The following B4GALT6 variants were observed in gnomAD, a reference collection of about 807,000 sequenced individuals.
The protein encoded by B4GALT6 is UDP-Gal:beta-GlcNAc beta-1,4-galactosyltransferase 6.
B4GALT6 carries 14 observed loss-of-function variants against 46.3 expected under a neutral mutation model. The observed-to-expected ratio is 0.30, with a 90% CI of 0.20 to 0.47. The LOEUF (loss-of-function observed/expected upper bound fraction) is 0.47. Among genes scored for constraint, B4GALT6 ranks in the 20% least tolerant of loss-of-function variants. B4GALT6 has a pLI of 0.99. For missense variants in B4GALT6, 386 were observed against 480.1 expected, an observed-to-expected ratio of 0.80 and a Z score of 1.83; for synonymous variants, 168 against 162.0, an observed-to-expected ratio of 1.04 and a Z score of -0.28.
chr18:31,709,833 C>G, the B4GALT6 span, among the ~76,000 whole-genome samples: 1 of 151,978 alleles, frequency 6.6e-6, no homozygotes, highest in African/African-American at 2.4e-5. Context: ...TGGCTCACGC[C>G]TGGAATCCCA....
chr18:31,716,269 T>G, the B4GALT6 span, among the ~76,000 whole-genome samples: 1 of 152,180 alleles, frequency 6.6e-6, no homozygotes, highest in African/African-American at 2.4e-5. Flanking sequence ...GGATCCAGAA[T>G]TCAAAAAGTC....
chr18:31,664,722 C>G (rs1343394933), intron 2 of B4GALT6, among the ~76,000 whole-genome samples: 1 of 152,142 alleles, frequency 6.6e-6, no homozygotes, highest in African/African-American at 2.4e-5. Context: ...TTCAGTTGAA[C>G]AAACTTTCAG....
At chr18:31,660,304 T>G (rs748915587) in intron 2 of B4GALT6, among the ~76,000 whole-genome samples, 45 of 152,096 alleles carry the variant, frequency 3.0e-4, no homozygotes, top group Non-Finnish European at 5.1e-4. Flanking sequence ...TTTTTTCTTT[T>G]TGTTTTTGTT....
chr18:31,685,337 C>T (rs1307951656), upstream of B4GALT6, among the ~76,000 whole-genome samples: 2 of 151,538 alleles, frequency 1.3e-5, no homozygotes, highest in African/African-American at 2.4e-5. Flanking sequence ...GAGCAGAGGC[C>T]GAGCGCCGTC....
the B4GALT6 span, among the ~76,000 whole-genome samples, chr18:31,698,630 CAAAAGAAAAAAAA>C: frequency 7.3e-6 from 1 of 137,766 alleles, no homozygotes; most frequent in Admixed American, 7.3e-5. Flanking sequence ...GACTCTATCT[CAAAAGAAAAAAAA>C]AAAAGGAAAA....
At chr18:31,660,444 TG>T (rs1470964889) in intron 2 of B4GALT6, among the ~76,000 whole-genome samples, 2 of 152,170 alleles carry the variant, frequency 1.3e-5, no homozygotes, top group Non-Finnish European at 2.9e-5. Flanking sequence ...TTATGAGTTT[TG>T]TGACAGTGTC....
At chr18:31,668,693 A>G (rs1411066328) in intron 1 of B4GALT6, among the ~76,000 whole-genome samples, 1 of 152,084 alleles carries the variant, frequency 6.6e-6, no homozygotes, top group Non-Finnish European at 1.5e-5. Context: ...GACTTCTCAT[A>G]AAAAGTCATC....
In B4GALT6 at chr18:31,629,447, A is replaced by ATTTTTTTTTTTTTTTTTTT. The variant is rs869030382; in HGVS notation, c.776+1493_776+1511dup. ...ATTCTTAGTTTATATGCCCTTTATG[A>ATTTTTTTTTTTTTTTTTTT]TTTTTTTTTTTTTTTTTTTTTTTTT... On this transcript the variant is annotated intron_variant, in intron 6 of 8. Transcript: ENST00000306851. 6.1e-4 allele frequency among the ~76,000 whole-genome samples: 20 copies of ATTTTTTTTTTTTTTTTTTT among 32,884 alleles called. 5 individuals carry two copies. The highest frequency in any genetic ancestry group is 1.7e-3 in the East Asian group (1 of 594). 21.6% of individuals were successfully genotyped at this position (32,884 alleles called of 152,430 possible).
At chr18:31,694,640 T>G in the B4GALT6 span, among the ~76,000 whole-genome samples, 1 of 152,248 alleles carries the variant, frequency 6.6e-6, no homozygotes, top group Non-Finnish European at 1.5e-5. Flanking sequence ...TTGCAGCAAC[T>G]GGCCATTATT....
chr18:31,653,681 A>C (rs2074104288), intron 3 of B4GALT6, among the ~76,000 whole-genome samples: 1 of 151,838 alleles, frequency 6.6e-6, no homozygotes, highest in Non-Finnish European at 1.5e-5. Flanking sequence ...TCCTGACCTC[A>C]AGTAACCCAC....
At position 31,638,634 on chromosome 18, in the gene B4GALT6, G is replaced by A; in HGVS notation, c.588+10C>T. ...GTATACTTAGTGACCACTATGAAAA[G>A]TATTCTCACCTGTTCAATGACATAA... is the stretch of plus-strand genomic sequence containing the variant. On this transcript the variant is annotated intron_variant, in intron 5 of 8. Transcript: ENST00000306851. 6.3e-7 allele frequency: 1 copy of A among 1,585,130 alleles called. No individual in the cohort carries two copies. The highest frequency in any genetic ancestry group is 8.7e-7 in the Non-Finnish European group (1 of 1,153,860).
intron 4 of B4GALT6, among the ~76,000 whole-genome samples, chr18:31,640,875 G>A (rs1297648706): frequency 2.0e-5 from 3 of 152,228 alleles, no homozygotes; most frequent in Admixed American, 6.5e-5. Context: ...TAGCTCAGGG[G>A]TTTACTTTTA....
At chr18:31,699,256 A>G in the B4GALT6 span, among the ~76,000 whole-genome samples, 107 of 143,600 alleles carry the variant, frequency 7.5e-4, no homozygotes, top group African/African-American at 2.7e-3. Context: ...AAGGCAATAG[A>G]CAGATATTTC....
At chr18:31,667,015 T>G (rs1490643803) in intron 1 of B4GALT6, among the ~76,000 whole-genome samples, 1 of 152,244 alleles carries the variant, frequency 6.6e-6, no homozygotes, top group African/African-American at 2.4e-5. Flanking sequence ...CTCAATTTAA[T>G]TATTCACAAT....
chr18:31,637,945 G>T (rs1046739518), intron 5 of B4GALT6, among the ~76,000 whole-genome samples: 3 of 145,474 alleles, frequency 2.1e-5, no homozygotes, highest in African/African-American at 7.3e-5. Flanking sequence ...TCAATTAAAT[G>T]AAACTTTACA....
chr18:31,688,258 T>TACATATATATATATAC (rs1555643342), upstream of B4GALT6, among the ~76,000 whole-genome samples: 48 of 148,628 alleles, frequency 3.2e-4, no homozygotes, highest in African/African-American at 1.2e-3. Context: ...TATATATATA[T>TACATATATATATATAC]ACATATATAT....
upstream of B4GALT6, chr18:31,686,135 C>G (rs917207000): frequency 3.3e-5 from 5 of 152,250 alleles, no homozygotes; most frequent in Admixed American, 2.6e-4. Context: ...TCACATTGTT[C>G]AAATGTGTGT....
intron 1 of B4GALT6, among the ~76,000 whole-genome samples, chr18:31,678,114 C>A (rs897955552): frequency 2.0e-5 from 3 of 152,090 alleles, no homozygotes; most frequent in Admixed American, 6.6e-5. Flanking sequence ...CAGGGTGCTG[C>A]GGAGTCTAAG....
intron 3 of B4GALT6, among the ~76,000 whole-genome samples, chr18:31,655,038 A>T (rs889545343): frequency 6.6e-6 from 1 of 152,242 alleles, no homozygotes; most frequent in Non-Finnish European, 1.5e-5. Flanking sequence ...ATTAATACCT[A>T]TCAAACTTTA....
Sources: allele counts gnomAD v4.1 joint callset (sites outside exome capture counted in the v4.1 genomes callset), GRCh38; gene constraint gnomAD v4.1.1; transcripts MANE v1.5; gene names NCBI Gene and HGNC (gene_info 2026-07-23, HGNC 2026-07-21).